The following M1AP variants were observed in gnomAD, a reference collection of about 807,000 sequenced individuals.
M1AP encodes meiosis 1 associated protein.
A neutral mutation model predicts 51.2 loss-of-function variants in M1AP; 39 were observed. The ratio of observed to expected loss-of-function variants is 0.76; its 90% CI spans 0.59 to 1.00. The LOEUF (loss-of-function observed/expected upper bound fraction) is 1.00. Among genes scored for constraint, M1AP ranks in the 50% least tolerant of loss-of-function variants. The pLI, the probability that M1AP is intolerant of heterozygous loss-of-function variation, is 0.00. For missense variants in M1AP, 545 were observed against 641.2 expected (o/e 0.85, Z 1.62); for synonymous variants, 251 against 249.2 (o/e 1.01, Z -0.07).
In M1AP at chr2:74,558,208, G is replaced by C. The variant is rs1677641629; in HGVS notation, c.*508C>G. 1 of 158,188 alleles carries C rather than the reference G, an allele frequency of 6.3e-6. No individual in the cohort carries two copies. The highest frequency in any genetic ancestry group is 6.5e-5 in the Admixed American group (1 of 15,298). 9.8% of individuals were successfully genotyped at this position (158,188 alleles called of 1,614,324 possible). A position where few individuals can be genotyped will look rare whatever the true frequency, so the allele number is the denominator to read the frequency against. On this transcript the variant is annotated 3_prime_UTR_variant, in exon 11 of 11. Transcript: ENST00000421985. ...CCCCAGCACACACACTTTGCATGTAGGTACCAAGCACTTGTCTCTTTGGAG... is the reference window on the plus strand; with the variant it reads ...CCCCAGCACACACACTTTGCATGTACGTACCAAGCACTTGTCTCTTTGGAG...
At chr2:74,632,089 C>T (rs76764734) in intron 2 of M1AP, among the ~76,000 whole-genome samples, 4,747 of 152,190 alleles carry the variant, frequency 0.031, 253 homozygotes, top group African/African-American at 0.11. Context: ...ACTTATTGTT[C>T]GGTTGGAAAG....
intron 2 of M1AP, among the ~76,000 whole-genome samples, chr2:74,618,258 G>A (rs1160107660): frequency 6.6e-6 from 1 of 152,124 alleles, no homozygotes; most frequent in Non-Finnish European, 1.5e-5. Context: ...ACCTCAGATG[G>A]AGCTCCCACC....
chr2:74,613,964 T>G (rs1681519049), intron 3 of M1AP, among the ~76,000 whole-genome samples: 1 of 152,216 alleles, frequency 6.6e-6, no homozygotes, highest in African/African-American at 2.4e-5. Flanking sequence ...AATCTTTATT[T>G]TCTGTGGAGA....
rs369280100 is a variant in M1AP, at chr2:74,575,459, A to G, written c.1053T>C (p.His351=). The G allele has an allele frequency of 2.5e-6, 4 of 1,614,034 alleles. No individual in the cohort carries two copies. Among genetic ancestry groups the G allele is most frequent in the Non-Finnish European group, 3.4e-6 (4 of 1,180,040 alleles). Residue 351 remains histidine, a synonymous_variant, in exon 7 of 11, where the codon CAT becomes CAC. Coordinates refer to ENST00000421985, the MANE Select transcript of M1AP (RefSeq NM_001321739.2). ...TCACCAGCAGGCTGTGACACAAAGCATGGAAATGTTGCTGATTTGTCTCCA... is the reference window on the plus strand; with the variant it reads ...TCACCAGCAGGCTGTGACACAAAGCGTGGAAATGTTGCTGATTTGTCTCCA... ...DELETNQQHF[H]ALCHSLLKRE...
Position 74,559,000 on chromosome 2 carries a change from C to T in M1AP, c.1435-126G>A, listed in dbSNP as rs761311534. On this transcript the variant is annotated intron_variant, in intron 10 of 10. Transcript: ENST00000421985. ...TTCCCTGGAGTGACAGCCTCAAGGC[C>T]GAGGACAGTGATCTGGAGTCCCTTA... 327 of 916,008 alleles carry T rather than the reference C, an allele frequency of 3.6e-4. 2 individuals are homozygous for T. The highest frequency in any genetic ancestry group is 4.7e-4 in the Non-Finnish European group (303 of 644,178). 56.7% of individuals were successfully genotyped at this position (916,008 alleles called of 1,614,324 possible). A position where few individuals can be genotyped will look rare whatever the true frequency, so the allele number is the denominator to read the frequency against.
chr2:74,630,096 A>G (rs910238642), intron 2 of M1AP, among the ~76,000 whole-genome samples: 1 of 152,030 alleles, frequency 6.6e-6, no homozygotes, highest in Non-Finnish European at 1.5e-5. Context: ...ATGTACCACC[A>G]TGTCTTTTAA....
intron 2 of M1AP, among the ~76,000 whole-genome samples, chr2:74,638,244 G>T (rs568663932): frequency 6.6e-6 from 1 of 151,988 alleles, no homozygotes; most frequent in African/African-American, 2.4e-5. Flanking sequence ...TGTAGAGGTG[G>T]GGTTTTACCA....
chr2:74,576,940 TGA>T, intron 5 of M1AP: 1 of 1,099,800 alleles, frequency 9.1e-7, no homozygotes, highest in South Asian at 2.7e-5. Context: ...ATCTGGCTTG[TGA>T]TCCAGTCTGA....
chr2:74,613,126 T>C (rs1681465985), intron 3 of M1AP, among the ~76,000 whole-genome samples: 1 of 152,190 alleles, frequency 6.6e-6, no homozygotes, highest in Admixed American at 6.5e-5. Flanking sequence ...TCTAGCACCT[T>C]TTTTTATTTT....
intron 4 of M1AP, among the ~76,000 whole-genome samples, chr2:74,593,352 G>T (rs1364517292): frequency 6.6e-6 from 1 of 152,100 alleles, no homozygotes; most frequent in African/African-American, 2.4e-5. Flanking sequence ...GTAAAAAACA[G>T]CTATAAACTC....
At chr2:74,604,126 T>C (rs1573129195) in intron 4 of M1AP, among the ~76,000 whole-genome samples, 2 of 152,360 alleles carry the variant, frequency 1.3e-5, no homozygotes, top group East Asian at 3.9e-4. Flanking sequence ...CCAAATGTTT[T>C]AGCATGGTAT....
At chr2:74,619,986 A>G (rs765383859) in intron 2 of M1AP, among the ~76,000 whole-genome samples, 17 of 152,226 alleles carry the variant, frequency 1.1e-4, no homozygotes, top group Non-Finnish European at 1.9e-4. Context: ...TTATTTTACT[A>G]TATTTCTAGA....
At chr2:74,569,785 T>C (rs1678613196) in intron 7 of M1AP, among the ~76,000 whole-genome samples, 1 of 152,142 alleles carries the variant, frequency 6.6e-6, no homozygotes, top group Non-Finnish European at 1.5e-5. Context: ...GACTACATTA[T>C]GTCAGAGAGG....
intron 4 of M1AP, among the ~76,000 whole-genome samples, chr2:74,584,005 A>G (rs984615025): frequency 2.0e-5 from 3 of 152,204 alleles, no homozygotes; most frequent in Non-Finnish European, 4.4e-5. Flanking sequence ...CTGTGCCCTT[A>G]TGGAGTTTAT....
intron 4 of M1AP, among the ~76,000 whole-genome samples, chr2:74,584,700 T>C (rs1052691107): frequency 6.6e-6 from 1 of 150,474 alleles, no homozygotes; most frequent in Non-Finnish European, 1.5e-5. Flanking sequence ...AGTTAAACTA[T>C]AAAATCAACC....
At chr2:74,565,959 A>G (rs1292990558) in intron 7 of M1AP, among the ~76,000 whole-genome samples, 3 of 152,116 alleles carry the variant, frequency 2.0e-5, no homozygotes, top group Admixed American at 1.3e-4. Flanking sequence ...AAAAACCTCT[A>G]TAAAAAAATC....
At chr2:74,622,966 A>AC (rs940511193) in intron 2 of M1AP, among the ~76,000 whole-genome samples, 27 of 151,806 alleles carry the variant, frequency 1.8e-4, no homozygotes, top group African/African-American at 4.8e-4. Context: ...GGAAAAAAAA[A>AC]AAACAAACCC....
intron 7 of M1AP, among the ~76,000 whole-genome samples, chr2:74,565,769 C>T (rs531078416): frequency 3.3e-5 from 5 of 150,808 alleles, no homozygotes; most frequent in Admixed American, 2.0e-4. Context: ...GCGGAGGTTG[C>T]AGTGAGCCGA....
chr2:74,583,543 C>T (rs1679536807), intron 4 of M1AP, among the ~76,000 whole-genome samples: 1 of 152,154 alleles, frequency 6.6e-6, no homozygotes, highest in Non-Finnish European at 1.5e-5. Context: ...GGAAGAAGCA[C>T]AGAGCAAATA....
Sources: gnomAD v4.1 joint callset for allele counts (sites outside exome capture counted in the v4.1 genomes callset) on GRCh38, gnomAD v4.1.1 for gene constraint, MANE v1.5 for transcripts, NCBI Gene and HGNC (gene_info 2026-07-23, HGNC 2026-07-21) for gene names.